The following ST6GAL1 variants were observed in gnomAD, a reference collection of about 807,000 sequenced individuals.
ST6GAL1 encodes the protein beta-galactoside alpha-2,6-sialyltransferase 1.
ST6GAL1 carries 20 observed loss-of-function variants against 38.0 expected under a neutral mutation model. That is an observed-to-expected ratio of 0.53 (90% CI 0.37 to 0.77). ST6GAL1 has a LOEUF of 0.77. Ranked by LOEUF, ST6GAL1 falls within the 30% of genes least tolerant of loss-of-function variation. The pLI, the probability that ST6GAL1 is intolerant of heterozygous loss-of-function variation, is 0.00. For synonymous variants in ST6GAL1, 196 were observed against 188.2 expected, an observed-to-expected ratio of 1.04 and a Z score of -0.34; for missense variants, 432 against 496.4, an observed-to-expected ratio of 0.87 and a Z score of 1.23.
At chr3:187,043,455 G>A in intron 4 of ST6GAL1, 145 bp downstream of exon 4, 1 of 1,192,856 alleles carries the variant, frequency 8.4e-7, no homozygotes, top group Admixed American at 2.7e-5. Context: ...AGTCACAAGT[G>A]ACACAGAGGG....
intron 4 of ST6GAL1, among the ~76,000 whole-genome samples, chr3:187,048,964 C>T (rs894693750): frequency 5.4e-5 from 8 of 147,392 alleles, no homozygotes; most frequent in African/African-American, 2.0e-4. Context: ...AATCTCGGCT[C>T]ACGCTAACCC....
intron 1 of ST6GAL1, among the ~76,000 whole-genome samples, chr3:186,933,970 C>G (rs555258279): frequency 6.6e-6 from 1 of 152,196 alleles, no homozygotes; most frequent in Non-Finnish European, 1.5e-5. Context: ...TCACTTTACT[C>G]TTGTGCTGGG....
intron 4 of ST6GAL1, among the ~76,000 whole-genome samples, chr3:187,048,397 C>G (rs567413361): frequency 9.2e-5 from 14 of 152,216 alleles, no homozygotes; most frequent in African/African-American, 3.1e-4. Context: ...CATTGTGGTC[C>G]TGACACTTGC....
intron 1 of ST6GAL1, among the ~76,000 whole-genome samples, chr3:186,954,599 CAT>C (rs1379276479): frequency 1.6e-4 from 24 of 151,754 alleles, no homozygotes; most frequent in African/African-American, 1.5e-4. Context: ...AGCATTTTTT[CAT>C]ATGTTTGTTG....
chr3:186,999,229 A>G (rs1716525620), intron 2 of ST6GAL1, among the ~76,000 whole-genome samples: 2 of 152,100 alleles, frequency 1.3e-5, no homozygotes, highest in Admixed American at 1.3e-4. Flanking sequence ...GACCATTAAC[A>G]CCACTCGCCT....
Position 187,048,880 on chromosome 3 carries a change from A to ATTTTTTTTTTTT in ST6GAL1, c.608-2352_608-2341dup, listed in dbSNP as rs374148828. Among the ~76,000 whole-genome samples, 13 of 115,450 alleles carry ATTTTTTTTTTTT rather than the reference A, an allele frequency of 1.1e-4. 1 individual carries two copies. The highest frequency in any genetic ancestry group is 4.5e-4 in the African/African-American group (12 of 26,576). The allele number at this position is 115,450 out of a possible 152,430, so 75.7% of individuals were successfully genotyped here. On this transcript the variant is annotated intron_variant, in intron 4 of 7. Coordinates refer to ENST00000169298, the MANE Select transcript of ST6GAL1 (RefSeq NM_173216.2). ...TCTGGCTCTGTCCCTGAGAAATTGAATTTTTTTTTTTTTTTTTTTTTTTTT... is the reference window on the plus strand; with the variant it reads ...TCTGGCTCTGTCCCTGAGAAATTGAATTTTTTTTTTTTTTTTTTTTTTTTTTTTTTTTTTTTT...
intron 2 of ST6GAL1, among the ~76,000 whole-genome samples, chr3:187,004,131 G>T (rs1716706528): frequency 6.6e-6 from 1 of 152,196 alleles, no homozygotes; most frequent in African/African-American, 2.4e-5. Flanking sequence ...ACTGCCTCTT[G>T]CTTTTGCTTT....
intron 1 of ST6GAL1, chr3:186,949,040 C>G (rs1448188869): frequency 6.6e-6 from 1 of 152,120 alleles, no homozygotes; most frequent in Non-Finnish European, 1.5e-5. Flanking sequence ...TGGTGGGAAG[C>G]CCGTGAGGCT....
intron 5 of ST6GAL1, among the ~76,000 whole-genome samples, chr3:187,066,737 G>A (rs1176593186): frequency 6.6e-6 from 1 of 152,096 alleles, no homozygotes; most frequent in Non-Finnish European, 1.5e-5. Flanking sequence ...ATGCCCTGGT[G>A]TAGCCTTTTC....
intron 1 of ST6GAL1, among the ~76,000 whole-genome samples, chr3:186,958,198 A>AATTGAAAGACAG: frequency 6.6e-6 from 1 of 152,214 alleles, no homozygotes; most frequent in Non-Finnish European, 1.5e-5. Flanking sequence ...TGGACTCTAC[A>AATTGAAAGACAG]AATGGCAACT....
At chr3:187,024,636 AGAG>A (rs1717462548) in intron 2 of ST6GAL1, 1 of 152,126 alleles carries the variant, frequency 6.6e-6, no homozygotes, top group African/African-American at 2.4e-5. Flanking sequence ...CACAGAGCAG[AGAG>A]GAGAACATTA....
At chr3:187,010,174 T>C (rs567785147) in intron 2 of ST6GAL1, among the ~76,000 whole-genome samples, 2 of 152,316 alleles carry the variant, frequency 1.3e-5, no homozygotes, top group Middle Eastern at 3.4e-3. Flanking sequence ...TACTTCTTTT[T>C]TTGAGATGGA....
At chr3:187,074,382 A>ATGAGCTTTT in intron 7 of ST6GAL1, 49 bp downstream of exon 7, 1 of 1,474,648 alleles carries the variant, frequency 6.8e-7, no homozygotes, top group South Asian at 1.5e-5. Flanking sequence ...TCTAGAAGAG[A>ATGAGCTTTT]TGAGCTTTTT....
intron 2 of ST6GAL1, among the ~76,000 whole-genome samples, chr3:187,002,547 G>C (rs7643789): frequency 0.52 from 79,441 of 152,050 alleles, 20,990 homozygotes; most frequent in African/African-American, 0.57. Flanking sequence ...TGAGGCATTG[G>C]CTGGGAGGTT....
At chr3:187,036,907 A>T (rs1179038014) in intron 2 of ST6GAL1, among the ~76,000 whole-genome samples, 6 of 152,116 alleles carry the variant, frequency 3.9e-5, no homozygotes, top group Non-Finnish European at 7.4e-5. Context: ...ATTATTTTTT[A>T]AAAAAACCCT....
At chr3:186,939,406 A>G (rs956300028) in intron 1 of ST6GAL1, among the ~76,000 whole-genome samples, 2 of 152,098 alleles carry the variant, frequency 1.3e-5, no homozygotes, top group Admixed American at 6.6e-5. Context: ...TTTACTGCCC[A>G]AGTAAGGAGG....
chr3:186,949,404 T>TGGC (rs1714500807), intron 1 of ST6GAL1, among the ~76,000 whole-genome samples: 1 of 152,176 alleles, frequency 6.6e-6, no homozygotes, highest in African/African-American at 2.4e-5. Context: ...CTGGAGGTGG[T>TGGC]GGCTGACAGT....
chr3:186,932,904 A>T (rs1713810045), intron 1 of ST6GAL1, among the ~76,000 whole-genome samples: 1 of 152,336 alleles, frequency 6.6e-6, no homozygotes, highest in East Asian at 1.9e-4. Context: ...TCTCCTAGTT[A>T]CACTTGTTTC....
intron 2 of ST6GAL1, among the ~76,000 whole-genome samples, chr3:186,964,555 TC>T (rs1310784055): frequency 1.3e-5 from 2 of 152,184 alleles, no homozygotes; most frequent in African/African-American, 4.8e-5. Context: ...TCTTTAAGCT[TC>T]CACAGGATGT....
Sources: gnomAD v4.1 joint callset for allele counts (sites outside exome capture counted in the v4.1 genomes callset) on GRCh38, gnomAD v4.1.1 for gene constraint, MANE v1.5 for transcripts, NCBI Gene and HGNC (gene_info 2026-07-23, HGNC 2026-07-21) for gene names.